CRYBG1: variants seen among roughly 807,000 people sequenced by gnomAD.
The protein encoded by CRYBG1 is beta/gamma crystallin domain-containing protein 1.
Under a neutral mutation model 189.2 loss-of-function variants are expected in CRYBG1, and 139 were observed. The observed-to-expected ratio is 0.73, with a 90% CI of 0.64 to 0.85. The LOEUF (loss-of-function observed/expected upper bound fraction) is 0.85. CRYBG1 is among the 40% of genes least tolerant of loss of function. The probability of loss-of-function intolerance (pLI) is 0.00; values close to 1 mark genes in which losing one functional copy is unlikely to be tolerated. For synonymous variants in CRYBG1, 1,023 were observed against 1,017.1 expected, an observed-to-expected ratio of 1.01 and a Z score of -0.11; for missense variants, 2,611 against 2,675.8, an observed-to-expected ratio of 0.98 and a Z score of 0.53.
At position 106,521,251 on chromosome 6, in the gene CRYBG1, A is replaced by G; in HGVS notation, c.4043A>G (p.Asn1348Ser). Residue 1348 changes from asparagine (N) to serine (S), a missense_variant, in exon 4 of 22, where the codon AAC becomes AGC. Asn to Ser is a conservative substitution (Grantham distance 46, BLOSUM62 1). Coordinates refer to ENST00000633556, the MANE Select transcript of CRYBG1 (RefSeq NM_001371242.2). ...KTKEDLDSRSNLHLPETKFSE... is the reference protein window; with the variant it reads ...KTKEDLDSRSSLHLPETKFSE... ...AAAGAAGATCTGGATTCACGAAGCAACCTACACTTGCCAGAAACTAAATTT... is the reference window on the plus strand; with the variant it reads ...AAAGAAGATCTGGATTCACGAAGCAGCCTACACTTGCCAGAAACTAAATTT... 1.2e-6 allele frequency: 2 copies of G among 1,614,066 alleles called. No homozygotes were observed. Among genetic ancestry groups the G allele is most frequent in the Non-Finnish European group, 1.7e-6 (2 of 1,179,992 alleles).
chr6:106,560,560 G>T (rs1298703009), intron 18 of CRYBG1, among the ~76,000 whole-genome samples: 1 of 152,138 alleles, frequency 6.6e-6, no homozygotes, highest in Non-Finnish European at 1.5e-5. Flanking sequence ...CTTTACGGAG[G>T]AAAAAACTTA....
intron 2 of CRYBG1, among the ~76,000 whole-genome samples, chr6:106,471,271 A>T (rs3814078): frequency 0.3 from 45,970 of 152,082 alleles, 8,041 homozygotes; most frequent in South Asian, 0.41. Context: ...CCCTTCCAGG[A>T]TGCTCCTGGT....
intron 1 of CRYBG1, among the ~76,000 whole-genome samples, chr6:106,389,952 A>G (rs907588254): frequency 1.3e-5 from 2 of 152,024 alleles, no homozygotes; most frequent in Non-Finnish European, 2.9e-5. Context: ...TTCGTTGTTC[A>G]CCCTTTTGGC....
chr6:106,389,220 A>G (rs1770452130), intron 1 of CRYBG1, among the ~76,000 whole-genome samples: 1 of 152,026 alleles, frequency 6.6e-6, no homozygotes, highest in Admixed American at 6.5e-5. Flanking sequence ...GAATTAGAAA[A>G]TTGCCGTATA....
chr6:106,443,904 C>T (rs1771610005), intron 1 of CRYBG1, among the ~76,000 whole-genome samples: 1 of 151,796 alleles, frequency 6.6e-6, no homozygotes, highest in African/African-American at 2.4e-5. Flanking sequence ...TTTTAATGTA[C>T]AATAAAGTAG....
At chr6:106,411,802 C>A (rs115111065) in intron 1 of CRYBG1, among the ~76,000 whole-genome samples, 3 of 152,098 alleles carry the variant, frequency 2.0e-5, no homozygotes, top group Non-Finnish European at 4.4e-5. Flanking sequence ...CCTGGGAGGC[C>A]GCTGATTCAA....
intron 3 of CRYBG1, among the ~76,000 whole-genome samples, chr6:106,516,766 C>T (rs1031860973): frequency 1.3e-5 from 2 of 152,198 alleles, no homozygotes; most frequent in Admixed American, 1.3e-4. Context: ...TGGTTGGGAG[C>T]ATGGCATCTG....
chr6:106,487,628 T>C (rs1772621430), intron 2 of CRYBG1, among the ~76,000 whole-genome samples: 2 of 152,344 alleles, frequency 1.3e-5, no homozygotes, highest in East Asian at 3.9e-4. Context: ...TTTTGTTCAT[T>C]GAATTCTTCA....
chr6:106,510,503 G>A (rs570325934), intron 2 of CRYBG1, among the ~76,000 whole-genome samples: 12 of 152,352 alleles, frequency 7.9e-5, no homozygotes, highest in African/African-American at 2.9e-4. Flanking sequence ...TGGGAGCGCT[G>A]CGGATCATTC....
chr6:106,540,948 T>C (rs1482265103), intron 9 of CRYBG1, among the ~76,000 whole-genome samples: 1 of 152,200 alleles, frequency 6.6e-6, no homozygotes, highest in African/African-American at 2.4e-5. Context: ...TTAAAAAGCT[T>C]TCTATTTTAT....
chr6:106,491,902 C>T (rs1435402352), intron 2 of CRYBG1, among the ~76,000 whole-genome samples: 1 of 152,166 alleles, frequency 6.6e-6, no homozygotes, highest in Non-Finnish European at 1.5e-5. Flanking sequence ...ACTTATTCAA[C>T]CTCCCATATA....
intron 1 of CRYBG1, among the ~76,000 whole-genome samples, chr6:106,391,927 A>ATG (rs1770511929): frequency 7.7e-6 from 1 of 130,098 alleles, no homozygotes; most frequent in Non-Finnish European, 1.6e-5. Context: ...GTTGTTTAAA[A>ATG]CGTGTGTGTG....
rs778295701 is a variant in CRYBG1, at chr6:106,519,929, C to G, written c.2721C>G (p.Asn907Lys). 3 of 1,614,124 alleles carry G rather than the reference C, an allele frequency of 1.9e-6. No individual in the cohort carries two copies. In the East Asian group the frequency reaches 6.7e-5, roughly 36 times the overall value. Residue 907 changes from asparagine to lysine, a missense_variant, in exon 4 of 22, where the codon AAC (asparagine) becomes AAG (lysine). This residue lies in a region of CRYBG1 where 1,622 missense variants were observed against 1,735.0 expected (regional missense o/e 0.93). Transcript: ENST00000633556. ...GCACTGATCTAAAAGTGTCAGAAAA[C>G]CATAAAGGATGTGTTTTGCCTGTGT... Reference protein sequence around the residue: ...FPCTDLKVSENHKGCVLPVSR... With the variant: ...FPCTDLKVSEKHKGCVLPVSR...
Position 106,495,330 on chromosome 6 carries a change from T to A in CRYBG1, c.313-16100T>A, listed in dbSNP as rs1186766466. On this transcript the variant is annotated intron_variant, in intron 2 of 21. Coordinates refer to ENST00000633556, the MANE Select transcript of CRYBG1 (RefSeq NM_001371242.2). Reference sequence around the variant, plus strand: ...GTAATTTGAGAAGTAAGAAGATTGATATGGTAATGCACACACGGCTACATT... The same window carrying A: ...GTAATTTGAGAAGTAAGAAGATTGAAATGGTAATGCACACACGGCTACATT... Among the ~76,000 whole-genome samples the A allele has an allele frequency of 2.0e-5, 3 of 152,036 alleles. No individual in the cohort carries two copies. In the East Asian group the frequency reaches 5.8e-4, roughly 29 times the overall value.
intron 4 of CRYBG1, among the ~76,000 whole-genome samples, chr6:106,522,798 G>A (rs1398165741): frequency 2.0e-5 from 3 of 152,184 alleles, no homozygotes; most frequent in Non-Finnish European, 4.4e-5. Flanking sequence ...AATCCTGTCA[G>A]AGAATGTGAT....
chr6:106,506,446 CTTTTTTTTTTTTTT>C (rs67154803), intron 2 of CRYBG1, among the ~76,000 whole-genome samples: 3 of 69,924 alleles, frequency 4.3e-5, no homozygotes, highest in African/African-American at 1.7e-4. Flanking sequence ...TTTCTTGTCA[CTTTTTTTTTTTTTT>C]TTTTTTTTTT....
chr6:106,533,538 G>A (rs1773921425), intron 8 of CRYBG1, among the ~76,000 whole-genome samples: 1 of 152,220 alleles, frequency 6.6e-6, no homozygotes, highest in Non-Finnish European at 1.5e-5. Context: ...CACGTAGGAT[G>A]CACTTGCAAT....
At chr6:106,453,681 C>T (rs562139191) in intron 2 of CRYBG1, among the ~76,000 whole-genome samples, 40 of 152,250 alleles carry the variant, frequency 2.6e-4, no homozygotes, top group Non-Finnish European at 5.0e-4. Context: ...GGAAAAAATT[C>T]GTGGCAGTGT....
intron 8 of CRYBG1, among the ~76,000 whole-genome samples, 173 bp downstream of exon 8, chr6:106,530,488 A>G (rs1420220996): frequency 2.0e-5 from 3 of 152,098 alleles, no homozygotes; most frequent in Non-Finnish European, 4.4e-5. Flanking sequence ...CACCTATGTT[A>G]TGATTCATCT....
Sources: allele counts gnomAD v4.1 joint callset (sites outside exome capture counted in the v4.1 genomes callset), GRCh38; gene constraint gnomAD v4.1.1; regional missense constraint gnomAD v4.1.1; transcripts MANE v1.5; gene names NCBI Gene and HGNC (gene_info 2026-07-23, HGNC 2026-07-21).